ENOX1: variants seen among roughly 807,000 people sequenced by gnomAD.
ENOX1 encodes candidate growth-related and time keeping constitutive hydroquinone (NADH) oxidase.
A neutral mutation model predicts 82.5 loss-of-function variants in ENOX1; 42 were observed. The ratio of observed to expected loss-of-function variants is 0.51; its 90% CI spans 0.40 to 0.66. The LOEUF is 0.66. ENOX1 is among the 30% of genes least tolerant of loss of function. The pLI is 0.00. For synonymous variants in ENOX1, 271 were observed against 282.2 expected (o/e 0.96, Z 0.40); for missense variants, 608 against 811.6 (o/e 0.75, Z 3.05).
At chr13:43,424,494 G>A (rs2055168496) in intron 3 of ENOX1, among the ~76,000 whole-genome samples, 2 of 152,190 alleles carry the variant, frequency 1.3e-5, no homozygotes, top group Admixed American at 1.3e-4. Context: ...ACCAGCCTGA[G>A]CCAGTTGCTC....
chr13:43,742,323 C>A (rs1224033287), intron 1 of ENOX1, among the ~76,000 whole-genome samples: 2 of 151,940 alleles, frequency 1.3e-5, no homozygotes, highest in Non-Finnish European at 2.9e-5. Flanking sequence ...TAGTGTTAGT[C>A]CTGGTCCAAG....
At chr13:43,285,238 TTAAC>T (rs1356570373) in intron 12 of ENOX1, among the ~76,000 whole-genome samples, 1 of 152,206 alleles carries the variant, frequency 6.6e-6, no homozygotes, top group African/African-American at 2.4e-5. Flanking sequence ...TCCAGACACT[TTAAC>T]TGACTAAGTT....
At chr13:43,406,866 G>GT (rs1356568431) in intron 5 of ENOX1, among the ~76,000 whole-genome samples, 1 of 152,126 alleles carries the variant, frequency 6.6e-6, no homozygotes, top group Admixed American at 6.5e-5. Flanking sequence ...AGTAAAAGAT[G>GT]TGCATCACCC....
intron 1 of ENOX1, among the ~76,000 whole-genome samples, chr13:43,699,660 A>G (rs575076380): frequency 9.8e-4 from 150 of 152,334 alleles, no homozygotes; most frequent in African/African-American, 3.6e-3. Flanking sequence ...CATGTTTTGA[A>G]TATTTAGGGC....
chr13:43,504,266 G>A (rs191066999), intron 2 of ENOX1, among the ~76,000 whole-genome samples: 13 of 151,846 alleles, frequency 8.6e-5, no homozygotes, highest in African/African-American at 2.9e-4. Flanking sequence ...ACTGTATGGG[G>A]ATTCCTTAAA....
At chr13:43,677,511 C>CA (rs2085566823) in intron 1 of ENOX1, among the ~76,000 whole-genome samples, 1 of 152,170 alleles carries the variant, frequency 6.6e-6, no homozygotes, top group African/African-American at 2.4e-5. Flanking sequence ...CAAATACTGA[C>CA]AATTTTCTCC....
At chr13:43,768,446 C>T (rs1416909090) in intron 1 of ENOX1, among the ~76,000 whole-genome samples, 3 of 151,932 alleles carry the variant, frequency 2.0e-5, no homozygotes, top group Non-Finnish European at 4.4e-5. Flanking sequence ...TGCAACAAAA[C>T]ACAACAAAAC....
chr13:43,361,438 G>A lies in ENOX1; in HGVS notation c.223C>T (p.Pro75Ser). The change falls in exon 6 of 17, where the codon CCA becomes TCA. Residue 75 changes from proline to serine, a missense_variant. Coordinates refer to ENST00000690772, the MANE Select transcript of ENOX1 (RefSeq NM_001347969.2). ...QQLVSDSICVPGFDPSLNMMT... is the reference protein window; with the variant it reads ...QQLVSDSICVSGFDPSLNMMT... Reference sequence around the variant, plus strand: ...ATGTTGAGGCTTGGATCAAAGCCTGGGACACAGATTGAGTCTGTAAAGTAT... The same window carrying A: ...ATGTTGAGGCTTGGATCAAAGCCTGAGACACAGATTGAGTCTGTAAAGTAT... 2 of 1,611,508 alleles carry A rather than the reference G, an allele frequency of 1.2e-6. No homozygotes were observed. Among genetic ancestry groups the A allele is most frequent in the Non-Finnish European group, 1.7e-6 (2 of 1,179,360 alleles).
intron 5 of ENOX1, among the ~76,000 whole-genome samples, chr13:43,383,121 C>T (rs1423077479): frequency 6.6e-6 from 1 of 152,096 alleles, no homozygotes; most frequent in African/African-American, 2.4e-5. Flanking sequence ...AACATGGTAC[C>T]AGACCTCAAA....
intron 12 of ENOX1, among the ~76,000 whole-genome samples, chr13:43,280,856 T>C (rs2045335323): frequency 6.6e-6 from 1 of 152,194 alleles, no homozygotes; most frequent in South Asian, 2.1e-4. Flanking sequence ...TTTAGGTGGC[T>C]CTGGAACAAG....
intron 1 of ENOX1, among the ~76,000 whole-genome samples, chr13:43,740,869 A>G (rs1047376644): frequency 1.3e-5 from 2 of 152,094 alleles, no homozygotes; most frequent in African/African-American, 2.4e-5. Flanking sequence ...GCTATATCAC[A>G]TTTTGTTTAT....
intron 2 of ENOX1, among the ~76,000 whole-genome samples, chr13:43,507,097 C>T (rs1399443574): frequency 1.3e-5 from 2 of 151,616 alleles, no homozygotes; most frequent in African/African-American, 2.4e-5. Flanking sequence ...ATCAATTTTA[C>T]AAAAATCAAT....
At chr13:43,351,384 A>T (rs9594927) in intron 8 of ENOX1, among the ~76,000 whole-genome samples, 33,738 of 150,454 alleles carry the variant, frequency 0.22, 4,137 homozygotes, top group Admixed American at 0.38. Context: ...GGGTCGAGCA[A>T]AATATTTCTT....
intron 14 of ENOX1, among the ~76,000 whole-genome samples, chr13:43,259,785 T>C (rs899006030): frequency 3.3e-5 from 5 of 152,138 alleles, no homozygotes; most frequent in African/African-American, 4.8e-5. Flanking sequence ...TATTTTCCTT[T>C]TGATAGAGCT....
Position 43,746,429 on chromosome 13 carries a change from A to C in ENOX1, c.-285+40223T>G, listed in dbSNP as rs571602821. ...GTAACGAGGGTTAAAATTTAAGAGGAGCTTTGAAGGGCAGATGGAGGTTAG... is the reference window on the plus strand; with the variant it reads ...GTAACGAGGGTTAAAATTTAAGAGGCGCTTTGAAGGGCAGATGGAGGTTAG... On this transcript the variant is annotated intron_variant, in intron 1 of 16. Transcript: ENST00000690772. Among the ~76,000 whole-genome samples the C allele has an allele frequency of 9.2e-5, 14 of 152,188 alleles. No individual in the cohort carries two copies. In the East Asian group the frequency reaches 2.5e-3, roughly 27 times the overall value.
intron 1 of ENOX1, among the ~76,000 whole-genome samples, chr13:43,737,801 AAAT>A (rs2089705521): frequency 6.6e-6 from 1 of 152,196 alleles, no homozygotes; most frequent in South Asian, 2.1e-4. Context: ...TTATTATTTA[AAAT>A]ACACATACAG....
chr13:43,370,655 T>A (rs978114762), intron 5 of ENOX1, among the ~76,000 whole-genome samples: 3 of 152,222 alleles, frequency 2.0e-5, no homozygotes, highest in African/African-American at 7.2e-5. Flanking sequence ...ACTTTTGGGT[T>A]AAGTAACTTT....
chr13:43,451,677 AAGTT>A (rs1220969302), intron 3 of ENOX1, among the ~76,000 whole-genome samples: 1 of 152,232 alleles, frequency 6.6e-6, no homozygotes, highest in Non-Finnish European at 1.5e-5. Context: ...ATACAATAAA[AAGTT>A]AGTCTTGCTC....
At chr13:43,546,583 A>C (rs1362700521) in intron 2 of ENOX1, 1 of 152,204 alleles carries the variant, frequency 6.6e-6, no homozygotes, top group Non-Finnish European at 1.5e-5. Context: ...AGCCCTGCTT[A>C]CCACATCTGA....
Sources: gnomAD v4.1 joint callset for allele counts (sites outside exome capture counted in the v4.1 genomes callset) on GRCh38, gnomAD v4.1.1 for gene constraint, MANE v1.5 for transcripts, NCBI Gene and HGNC (gene_info 2026-07-23, HGNC 2026-07-21) for gene names.